PRR16: variants seen among roughly 807,000 people sequenced by gnomAD.
The protein encoded by PRR16 is proline rich 16.
PRR16 carries 6 observed loss-of-function variants against 18.2 expected under a neutral mutation model. The observed-to-expected ratio is 0.33, with a 90% CI of 0.18 to 0.65. The LOEUF is 0.65. Ranked by LOEUF, PRR16 falls within the 30% of genes least tolerant of loss-of-function variation. The probability of loss-of-function intolerance (pLI) is 0.74; values close to 1 mark genes in which losing one functional copy is unlikely to be tolerated. For missense variants in PRR16, 412 were observed against 376.6 expected (o/e 1.09, Z -0.78); for synonymous variants, 151 against 147.8 (o/e 1.02, Z -0.16).
chr5:120,568,304 C>T (rs917061425), intron 1 of PRR16, among the ~76,000 whole-genome samples: 2 of 152,006 alleles, frequency 1.3e-5, no homozygotes, highest in African/African-American at 2.4e-5. Context: ...GGATAGGGCC[C>T]GAAGTACCTG....
At chr5:120,532,115 T>A (rs1751570952) in intron 1 of PRR16, among the ~76,000 whole-genome samples, 1 of 152,184 alleles carries the variant, frequency 6.6e-6, no homozygotes, top group African/African-American at 2.4e-5. Flanking sequence ...TTGTACAATA[T>A]GTTCTCAAAA....
chr5:120,531,242 A>G (rs1751540599), intron 1 of PRR16, among the ~76,000 whole-genome samples: 1 of 152,136 alleles, frequency 6.6e-6, no homozygotes, highest in Non-Finnish European at 1.5e-5. Context: ...TTTTATGGCA[A>G]ATGATAGGTT....
intron 1 of PRR16, among the ~76,000 whole-genome samples, chr5:120,646,668 A>G (rs1755613541): frequency 6.6e-6 from 1 of 152,050 alleles, no homozygotes; most frequent in Non-Finnish European, 1.5e-5. Flanking sequence ...TAGATATATT[A>G]TAAGAGGAAG....
chr5:120,785,324 T>A, the PRR16 span, among the ~76,000 whole-genome samples: 1 of 152,092 alleles, frequency 6.6e-6, no homozygotes, highest in Non-Finnish European at 1.5e-5. Flanking sequence ...GGAATCAGTA[T>A]CTATTATAAC....
intron 1 of PRR16, among the ~76,000 whole-genome samples, chr5:120,604,407 C>T (rs1231479241): frequency 1.3e-5 from 2 of 152,046 alleles, no homozygotes; most frequent in East Asian, 3.9e-4. Context: ...CTTGATAGAT[C>T]CTTCTCTATC....
chr5:120,539,588 T>A (rs796901013), intron 1 of PRR16, among the ~76,000 whole-genome samples: 9 of 152,070 alleles, frequency 5.9e-5, no homozygotes, highest in African/African-American at 2.2e-4. Flanking sequence ...GTGACAAAAT[T>A]ATCTGCATAC....
chr5:120,785,672 A>G, the PRR16 span, among the ~76,000 whole-genome samples: 1 of 148,784 alleles, frequency 6.7e-6, no homozygotes, highest in South Asian at 2.1e-4. Flanking sequence ...TTCCAGGTTC[A>G]AGCAATTCTC....
rs1253320144 is a variant in PRR16 at position 120,669,648 on chromosome 5, C to A, written c.160-16306C>A. Among the ~76,000 whole-genome samples, 7 of 151,954 alleles carry A rather than the reference C, an allele frequency of 4.6e-5. No individual in the cohort carries two copies. In the South Asian group the frequency reaches 1.2e-3, roughly 27 times the overall value. On this transcript the variant is annotated intron_variant, in intron 1 of 1. Coordinates refer to ENST00000407149, the MANE Select transcript of PRR16 (RefSeq NM_001300783.2). Reference sequence around the variant, plus strand: ...TATTCAAACTTATAATTTTAAATTACCCAGCATATTTTAAGAGGTGTTTTT... The same window carrying A: ...TATTCAAACTTATAATTTTAAATTAACCAGCATATTTTAAGAGGTGTTTTT...
the PRR16 span, among the ~76,000 whole-genome samples, chr5:120,759,856 G>T: frequency 6.6e-6 from 1 of 152,110 alleles, no homozygotes; most frequent in Non-Finnish European, 1.5e-5. Context: ...AAATACACTT[G>T]TTGTTAAAGT....
At chr5:120,569,853 A>G (rs1752852594) in intron 1 of PRR16, among the ~76,000 whole-genome samples, 1 of 152,204 alleles carries the variant, frequency 6.6e-6, no homozygotes, top group South Asian at 2.1e-4. Context: ...GGGTTGATAT[A>G]CAGAAAATAA....
the PRR16 span, among the ~76,000 whole-genome samples, chr5:120,780,953 G>A: frequency 2.6e-5 from 4 of 152,166 alleles, no homozygotes; most frequent in Non-Finnish European, 5.9e-5. Context: ...GGGAGGCTGA[G>A]GCAGGAGAAT....
chr5:120,632,505 C>T (rs932807176), intron 1 of PRR16, among the ~76,000 whole-genome samples: 6 of 151,858 alleles, frequency 4.0e-5, no homozygotes, highest in African/African-American at 1.4e-4. Flanking sequence ...AAAGAAAATT[C>T]TGTGAAATAG....
intron 1 of PRR16, among the ~76,000 whole-genome samples, chr5:120,685,397 T>G (rs1757088830): frequency 6.6e-6 from 1 of 152,208 alleles, no homozygotes; most frequent in Non-Finnish European, 1.5e-5. Context: ...CTCTGATGGT[T>G]GCTGCCTTTT....
At chr5:120,680,612 A>T (rs993709034) in intron 1 of PRR16, among the ~76,000 whole-genome samples, 2 of 152,146 alleles carry the variant, frequency 1.3e-5, no homozygotes, top group Non-Finnish European at 2.9e-5. Flanking sequence ...TCAATTTATA[A>T]GATATTCTTT....
At chr5:120,626,646 A>G (rs1273424020) in intron 1 of PRR16, among the ~76,000 whole-genome samples, 1 of 152,142 alleles carries the variant, frequency 6.6e-6, no homozygotes, top group Non-Finnish European at 1.5e-5. Flanking sequence ...AAAAGACACA[A>G]ATAGATTGGA....
At chr5:120,770,839 TATC>T in the PRR16 span, among the ~76,000 whole-genome samples, 5 of 151,848 alleles carry the variant, frequency 3.3e-5, no homozygotes, top group Admixed American at 6.6e-5. Flanking sequence ...AAAATTGAGA[TATC>T]ATCATCTTTT....
chr5:120,496,012 T>C (rs537206123), intron 1 of PRR16, among the ~76,000 whole-genome samples: 27 of 152,108 alleles, frequency 1.8e-4, no homozygotes, highest in African/African-American at 6.0e-4. Flanking sequence ...TTTCTGAAAA[T>C]TTTTATCCTG....
the PRR16 span, among the ~76,000 whole-genome samples, chr5:120,706,232 G>A: frequency 6.6e-6 from 1 of 152,048 alleles, no homozygotes; most frequent in African/African-American, 2.4e-5. Context: ...TGGACTTCAC[G>A]ATTTTACCTT....
At chr5:120,588,810 C>T (rs190629450) in intron 1 of PRR16, among the ~76,000 whole-genome samples, 46 of 151,390 alleles carry the variant, frequency 3.0e-4, no homozygotes, top group African/African-American at 1.1e-3. Flanking sequence ...GCTCTTAACC[C>T]GGAATAAAAC....
Sources: gnomAD v4.1 joint callset for allele counts (sites outside exome capture counted in the v4.1 genomes callset) on GRCh38, gnomAD v4.1.1 for gene constraint, MANE v1.5 for transcripts, NCBI Gene and HGNC (gene_info 2026-07-23, HGNC 2026-07-21) for gene names.